The following BAIAP2L1 variants were observed in gnomAD, a reference collection of about 807,000 sequenced individuals.
BAIAP2L1 encodes the protein BAR/IMD domain-containing adapter protein 2-like 1.
Under a neutral mutation model 66.3 loss-of-function variants are expected in BAIAP2L1, and 35 were observed. That is an observed-to-expected ratio of 0.53 (90% CI 0.40 to 0.70). The LOEUF (loss-of-function observed/expected upper bound fraction) is 0.70. BAIAP2L1 is among the 30% of genes least tolerant of loss of function. The pLI is 0.00. For missense variants in BAIAP2L1, 622 were observed against 656.9 expected (o/e 0.95, Z 0.58); for synonymous variants, 269 against 248.7 (o/e 1.08, Z -0.77).
intron 12 of BAIAP2L1, among the ~76,000 whole-genome samples, 179 bp from the exon 13 acceptor site, chr7:98,294,290 G>A (rs1800094273): frequency 6.6e-6 from 1 of 152,174 alleles, no homozygotes; most frequent in Non-Finnish European, 1.5e-5. Context: ...GCTGCGACTG[G>A]CCTGTATTGG....
chr7:98,347,883 C>T (rs1171349333), intron 3 of BAIAP2L1, among the ~76,000 whole-genome samples: 1 of 152,022 alleles, frequency 6.6e-6, no homozygotes, highest in Non-Finnish European at 1.5e-5. Flanking sequence ...AGGAAACTAA[C>T]ACAGAACAGA....
intron 3 of BAIAP2L1, chr7:98,323,461 A>G (rs1801300816): frequency 6.6e-6 from 1 of 152,252 alleles, no homozygotes. Context: ...GATTTGAGCT[A>G]GAGGAAACGC....
intron 3 of BAIAP2L1, among the ~76,000 whole-genome samples, chr7:98,342,760 G>C (rs1040163884): frequency 2.0e-5 from 3 of 152,060 alleles, no homozygotes; most frequent in Non-Finnish European, 2.9e-5. Flanking sequence ...TGACTCAAAG[G>C]TTCTTCTAAA....
chr7:98,309,470 A>T (rs1800792418), intron 9 of BAIAP2L1: 1 of 151,914 alleles, frequency 6.6e-6, no homozygotes, highest in African/African-American at 2.4e-5. Context: ...AGCAATTTTC[A>T]TTCTGCTTTT....
intron 1 of BAIAP2L1, among the ~76,000 whole-genome samples, chr7:98,390,134 C>A (rs1384314195): frequency 1.3e-5 from 2 of 151,756 alleles, no homozygotes; most frequent in East Asian, 3.9e-4. Flanking sequence ...CCAGGATGGT[C>A]TCTATCTCCT....
intron 12 of BAIAP2L1, 53 bp downstream of exon 12, chr7:98,304,143 A>G (rs1352600851): frequency 7.4e-6 from 11 of 1,484,652 alleles, no homozygotes; most frequent in Non-Finnish European, 9.9e-6. Flanking sequence ...TGCGCCTCCC[A>G]GTCGGGGATG....
chr7:98,353,261 G>A (rs967964429), intron 3 of BAIAP2L1, among the ~76,000 whole-genome samples: 2 of 149,012 alleles, frequency 1.3e-5, no homozygotes, highest in Non-Finnish European at 3.0e-5. Flanking sequence ...GGCCAAGGCA[G>A]GGGGAATCCT....
intron 3 of BAIAP2L1, among the ~76,000 whole-genome samples, chr7:98,332,382 C>CAAAAAAAAAA (rs55987839): frequency 3.6e-4 from 10 of 27,764 alleles, no homozygotes; most frequent in Admixed American, 8.6e-4. Flanking sequence ...GACTCCATCT[C>CAAAAAAAAAA]AAAAAAAAAA....
chr7:98,362,590 C>T (rs1232359055), intron 1 of BAIAP2L1, among the ~76,000 whole-genome samples, 158 bp from the exon 2 acceptor site: 1 of 152,218 alleles, frequency 6.6e-6, no homozygotes, highest in Non-Finnish European at 1.5e-5. Context: ...CACACCTATT[C>T]CCTTACCTGA....
chr7:98,364,598 C>T (rs1334483851), intron 1 of BAIAP2L1, among the ~76,000 whole-genome samples: 1 of 151,826 alleles, frequency 6.6e-6, no homozygotes, highest in Non-Finnish European at 1.5e-5. Flanking sequence ...AAATCTGAGT[C>T]CCCGTGTGTC....
intron 3 of BAIAP2L1, among the ~76,000 whole-genome samples, chr7:98,343,248 T>TACACACACACACACACACACACAC (rs57033582): frequency 1.6e-5 from 2 of 128,592 alleles, no homozygotes; most frequent in African/African-American, 3.0e-5. Context: ...AAAAAAAAAA[T>TACACACACACACACACACACACAC]ACACACACAC....
intron 3 of BAIAP2L1, among the ~76,000 whole-genome samples, chr7:98,335,660 T>C (rs1225852311): frequency 6.6e-6 from 1 of 152,248 alleles, no homozygotes; most frequent in Non-Finnish European, 1.5e-5. Context: ...TATCCGATTC[T>C]CACATCCTTG....
chr7:98,391,495 G>A (rs1443542474), intron 1 of BAIAP2L1, among the ~76,000 whole-genome samples: 1 of 151,884 alleles, frequency 6.6e-6, no homozygotes, highest in African/African-American at 2.4e-5. Flanking sequence ...GGATCACAAG[G>A]TCAGGAGACA....
At chr7:98,302,489 G>C (rs547133906) in intron 12 of BAIAP2L1, among the ~76,000 whole-genome samples, 2 of 152,332 alleles carry the variant, frequency 1.3e-5, no homozygotes, top group East Asian at 3.9e-4. Flanking sequence ...CTGGTGAAAT[G>C]CTCCAGCAAA....
At position 98,292,489 on chromosome 7, in the gene BAIAP2L1, C is replaced by A; in HGVS notation, c.*1032G>T. 1.4e-6 allele frequency: 1 copy of A among 740,628 alleles called. No homozygotes were observed. Among genetic ancestry groups the A allele is most frequent in the Non-Finnish European group, 2.2e-6 (1 of 449,638 alleles). The allele number at this position is 740,628 out of a possible 1,614,324, so 45.9% of individuals were successfully genotyped here. ...GCTGGGAATTTTAACCATGACTCTC[C>A]ACTCCAAAATAGGTCCAGATCCTTG... On this transcript the variant is annotated 3_prime_UTR_variant, in exon 14 of 14. Coordinates refer to ENST00000005260, the MANE Select transcript of BAIAP2L1 (RefSeq NM_018842.5).
rs1483302682 is a variant in BAIAP2L1, at chr7:98,307,743, A to G, written c.1109T>C (p.Leu370Pro). 3 of 1,614,090 alleles carry G rather than the reference A, an allele frequency of 1.9e-6. No homozygotes were observed. Among genetic ancestry groups the G allele is most frequent in the Non-Finnish European group, 2.5e-6 (3 of 1,180,044 alleles). ...CCAGCCATCCTTCTCCTCGGGGATG[A>G]GCAGCGTGATGACATCTCCCTGTGC... Reference protein sequence around the residue: ...SFAQGDVITLLIPEEKDGWLY... With the variant: ...SFAQGDVITLPIPEEKDGWLY... Residue 370 changes from leucine (L) to proline (P), a missense_variant, in exon 10 of 14, where the codon CTC (leucine) becomes CCC (proline). Transcript: ENST00000005260.
intron 1 of BAIAP2L1, among the ~76,000 whole-genome samples, chr7:98,389,589 G>A (rs974102410): frequency 1.3e-5 from 2 of 152,090 alleles, no homozygotes; most frequent in Non-Finnish European, 2.9e-5. Context: ...CGAAACTGCT[G>A]GGATTACGGG....
At chr7:98,331,746 GGT>G (rs1801500337) in intron 3 of BAIAP2L1, among the ~76,000 whole-genome samples, 1 of 152,110 alleles carries the variant, frequency 6.6e-6, no homozygotes, top group African/African-American at 2.4e-5. Context: ...TGGGATTACA[GGT>G]GTGAGTCACC....
At chr7:98,379,223 A>G (rs1802703309) in intron 1 of BAIAP2L1, among the ~76,000 whole-genome samples, 1 of 152,120 alleles carries the variant, frequency 6.6e-6, no homozygotes, top group Admixed American at 6.6e-5. Context: ...TTCCAGCACC[A>G]AGAACACTGC....
Sources: allele counts gnomAD v4.1 joint callset (sites outside exome capture counted in the v4.1 genomes callset), GRCh38; gene constraint gnomAD v4.1.1; transcripts MANE v1.5; gene names NCBI Gene and HGNC (gene_info 2026-07-23, HGNC 2026-07-21).